Variants in FARS2 observed in about 807,000 individuals in gnomAD.
FARS2 encodes phenylalanyl-tRNA synthetase 2, mitochondrial, also known as phenylalanine--tRNA ligase, mitochondrial.
In FARS2, 40 loss-of-function variants were observed where a neutral mutation model predicts 46.4. The ratio of observed to expected loss-of-function variants is 0.86; its 90% CI spans 0.67 to 1.12. The LOEUF (loss-of-function observed/expected upper bound fraction) is 1.12. FARS2 is among the 50% of genes most tolerant of loss of function. FARS2 has a pLI of 0.00. For synonymous variants in FARS2, 234 were observed against 214.9 expected (o/e 1.09, Z -0.78); for missense variants, 513 against 567.9 (o/e 0.90, Z 0.98).
Position 5,477,448 on chromosome 6 carries a change from T to C in FARS2, c.904+46276T>C, listed in dbSNP as rs182362544. On this transcript the variant is annotated intron_variant, in intron 4 of 6. Coordinates refer to ENST00000274680, the MANE Select transcript of FARS2 (RefSeq NM_006567.5). Reference sequence around the variant, plus strand: ...AGGGTTGATTAATGCCAATTGTGACTATTATAAGGCCTAGTTGACTTGAGT... The same window carrying C: ...AGGGTTGATTAATGCCAATTGTGACCATTATAAGGCCTAGTTGACTTGAGT... 6.6e-5 allele frequency among the ~76,000 whole-genome samples: 10 copies of C among 152,328 alleles called. No homozygotes were observed. In the East Asian group the frequency reaches 1.9e-3, roughly 29 times the overall value.
intron 4 of FARS2, among the ~76,000 whole-genome samples, chr6:5,455,331 T>TG (rs1285111658): frequency 6.6e-6 from 1 of 152,130 alleles, no homozygotes; most frequent in East Asian, 1.9e-4. Flanking sequence ...CAAGGGAAAA[T>TG]TTTTGAAGCT....
intron 1 of FARS2, among the ~76,000 whole-genome samples, chr6:5,349,350 C>T (rs1581848486): frequency 6.6e-6 from 1 of 152,204 alleles, no homozygotes; most frequent in African/African-American, 2.4e-5. Context: ...TGGAGAGACA[C>T]GTTGTGCTCA....
chr6:5,383,072 T>C (rs1389998549), intron 2 of FARS2, among the ~76,000 whole-genome samples: 1 of 152,232 alleles, frequency 6.6e-6, no homozygotes, highest in Non-Finnish European at 1.5e-5. Flanking sequence ...CCAGTAATGA[T>C]GTTTAATGAA....
chr6:5,441,925 G>T (rs1763864332), intron 4 of FARS2, among the ~76,000 whole-genome samples: 1 of 151,972 alleles, frequency 6.6e-6, no homozygotes, highest in Non-Finnish European at 1.5e-5. Context: ...ACTTATTTTG[G>T]CAGTCTGATA....
intron 4 of FARS2, among the ~76,000 whole-genome samples, chr6:5,498,450 A>G (rs1344636943): frequency 1.3e-5 from 2 of 152,178 alleles, no homozygotes; most frequent in East Asian, 3.8e-4. Context: ...AGCTTATTTT[A>G]CTTATCATAA....
chr6:5,379,532 A>G (rs958728736), intron 2 of FARS2, among the ~76,000 whole-genome samples: 14 of 152,162 alleles, frequency 9.2e-5, no homozygotes, highest in Non-Finnish European at 8.8e-5. Context: ...CCCAGAGAAG[A>G]GCCCCTTCCT....
intron 5 of FARS2, among the ~76,000 whole-genome samples, chr6:5,592,210 C>T (rs1773955387): frequency 6.6e-6 from 1 of 152,096 alleles, no homozygotes; most frequent in African/African-American, 2.4e-5. Context: ...CATGGGAAAA[C>T]TCCATCTCTA....
At chr6:5,351,043 T>G (rs1055766063) in intron 1 of FARS2, among the ~76,000 whole-genome samples, 2 of 152,184 alleles carry the variant, frequency 1.3e-5, no homozygotes, top group African/African-American at 4.8e-5. Context: ...ATATAAATAT[T>G]TGAGATTCAG....
intron 1 of FARS2, among the ~76,000 whole-genome samples, chr6:5,301,292 G>C (rs973611745): frequency 6.6e-6 from 1 of 152,112 alleles, no homozygotes; most frequent in African/African-American, 2.4e-5. Flanking sequence ...TTTGAAATAA[G>C]ATGGTAGCAA....
In FARS2 at chr6:5,765,863, C is replaced by T. The variant is rs1582902860; in HGVS notation, c.1218-5428C>T. ...TCTGTGTCCAACTCAGTGACTGAAA[C>T]ATGCTGTTTGTTGAATAACTAAAGG... On this transcript the variant is annotated intron_variant, in intron 6 of 6. Transcript: ENST00000274680. The surrounding 1 kb of genome is among the most constrained non-coding windows in gnomAD (Gnocchi z 4.0). Among the ~76,000 whole-genome samples the T allele has an allele frequency of 1.3e-5, 2 of 152,250 alleles. No homozygotes were observed. Among genetic ancestry groups the T allele is most frequent in the East Asian group, 3.9e-4 (2 of 5,176 alleles).
intron 4 of FARS2, among the ~76,000 whole-genome samples, chr6:5,458,776 A>G (rs376990204): frequency 6.6e-6 from 1 of 152,208 alleles, no homozygotes; most frequent in South Asian, 2.1e-4. Flanking sequence ...AAGAATCAAC[A>G]TGGGCAGGTT....
intron 6 of FARS2, among the ~76,000 whole-genome samples, chr6:5,677,966 G>T (rs1778848183): frequency 6.6e-6 from 1 of 152,170 alleles, no homozygotes; most frequent in Admixed American, 6.6e-5. Context: ...TGGCATCTTT[G>T]AAAATTGCAA....
intron 1 of FARS2, among the ~76,000 whole-genome samples, chr6:5,354,617 C>T (rs1581863390): frequency 1.3e-5 from 2 of 151,962 alleles, no homozygotes; most frequent in East Asian, 3.9e-4. Flanking sequence ...AGGTTCATGC[C>T]ATTCTCCTGC....
chr6:5,707,937 A>G (rs1225880861), intron 6 of FARS2, among the ~76,000 whole-genome samples: 9 of 152,218 alleles, frequency 5.9e-5, no homozygotes, highest in Non-Finnish European at 1.3e-4. Context: ...CTTGGCTACT[A>G]ATTCCTTATG....
At position 5,594,495 on chromosome 6, in the gene FARS2, T is replaced by A. The variant is rs548540453; in HGVS notation, c.1066-18674T>A. On this transcript the variant is annotated intron_variant, in intron 5 of 6. Transcript: ENST00000274680. Reference sequence around the variant, plus strand: ...GACAGAAACCATGCCATTTGTTTGGTTTTTAATACAGAGAATTTAAACTAA... The same window carrying A: ...GACAGAAACCATGCCATTTGTTTGGATTTTAATACAGAGAATTTAAACTAA... Among the ~76,000 whole-genome samples, 7 of 152,276 alleles carry A rather than the reference T, an allele frequency of 4.6e-5. No homozygotes were observed. The South Asian group carries it at 1.5e-3, about 32-fold the overall frequency.
intron 6 of FARS2, among the ~76,000 whole-genome samples, chr6:5,692,822 A>G (rs2150867491): frequency 6.6e-6 from 1 of 152,274 alleles, no homozygotes; most frequent in African/African-American, 2.4e-5. Context: ...GTTGGTCAAG[A>G]TATTTAAAAG....
At chr6:5,444,596 A>G (rs1764069953) in intron 4 of FARS2, among the ~76,000 whole-genome samples, 1 of 151,020 alleles carries the variant, frequency 6.6e-6, no homozygotes, top group Non-Finnish European at 1.5e-5. Flanking sequence ...AAGCTTCATT[A>G]GGGCAGGGAA....
At chr6:5,393,486 C>G (rs1760708343) in intron 2 of FARS2, among the ~76,000 whole-genome samples, 1 of 151,972 alleles carries the variant, frequency 6.6e-6, no homozygotes, top group Non-Finnish European at 1.5e-5. Context: ...GAAACCCCGT[C>G]TCTACTAAAA....
intron 5 of FARS2, among the ~76,000 whole-genome samples, chr6:5,572,739 TCTA>T (rs1772728635): frequency 6.6e-6 from 1 of 152,144 alleles, no homozygotes; most frequent in Non-Finnish European, 1.5e-5. Context: ...CCATCCTAGA[TCTA>T]CTTAATCAAA....
Sources: gnomAD v4.1 joint callset for allele counts (sites outside exome capture counted in the v4.1 genomes callset) on GRCh38, gnomAD v4.1.1 for gene constraint, Gnocchi (gnomAD v3.1) non-coding constraint, MANE v1.5 for transcripts, NCBI Gene and HGNC (gene_info 2026-07-23, HGNC 2026-07-21) for gene names.